The following RAC1 variants were observed in gnomAD, a reference collection of about 807,000 sequenced individuals.
RAC1 encodes ras-related C3 botulinum toxin substrate 1.
RAC1 carries 2 observed loss-of-function variants against 25.2 expected under a neutral mutation model. The ratio of observed to expected loss-of-function variants is 0.08; its 90% confidence interval spans 0.03 to 0.25. The LOEUF is 0.25. Among genes scored for constraint, RAC1 ranks in the 10% least tolerant of loss-of-function variants. RAC1 has a pLI of 1.00. For synonymous variants in RAC1, 88 were observed against 94.0 expected (o/e 0.94, Z 0.37); for missense variants, 50 against 235.7 (o/e 0.21, Z 5.16).
intron 3 of RAC1, chr7:6,399,696 C>G (rs966869373): frequency 6.2e-6 from 1 of 160,354 alleles, no homozygotes; most frequent in Non-Finnish European, 1.4e-5. Flanking sequence ...GTGCTGGGAG[C>G]TGTGACAGGC....
chr7:6,391,504 C>T, intron 2 of RAC1: 1 of 196,332 alleles, frequency 5.1e-6, no homozygotes, highest in South Asian at 9.9e-5. Flanking sequence ...TCTGGAAACC[C>T]TGCAGAGGGT....
Position 6,383,957 on chromosome 7 carries a change from C to T in RAC1, c.36-3255C>T, listed in dbSNP as rs899727463. ...AGCTGGGATTACAGGCATGCACGCCCGGCTAATTTTGTATTTTTAGTAGAG... is the reference window on the plus strand; with the variant it reads ...AGCTGGGATTACAGGCATGCACGCCTGGCTAATTTTGTATTTTTAGTAGAG... On this transcript the variant is annotated intron_variant, in intron 1 of 5. Transcript: ENST00000348035. Among the ~76,000 whole-genome samples the T allele has an allele frequency of 8.6e-5, 13 of 151,396 alleles. No homozygotes were observed. The East Asian group carries it at 2.3e-3, about 27-fold the overall frequency.
chr7:6,379,906 G>A (rs138768570), intron 1 of RAC1, among the ~76,000 whole-genome samples: 38 of 152,174 alleles, frequency 2.5e-4, no homozygotes, highest in Middle Eastern at 3.4e-3. Flanking sequence ...GAGCCACTGC[G>A]CCCGGCCACA....
intron 3 of RAC1, among the ~76,000 whole-genome samples, chr7:6,396,564 C>G (rs569680469): frequency 6.6e-6 from 1 of 152,132 alleles, no homozygotes; most frequent in Non-Finnish European, 1.5e-5. Context: ...GCCACAGATA[C>G]GATCAGAGGC....
At chr7:6,376,784 T>G (rs71539928) in intron 1 of RAC1, among the ~76,000 whole-genome samples, 4 of 122,986 alleles carry the variant, frequency 3.3e-5, no homozygotes, top group African/African-American at 5.3e-5. Context: ...GGCCTGTTTT[T>G]TTTTTTTTTT....
chr7:6,394,771 C>T (rs1424332415), intron 3 of RAC1, among the ~76,000 whole-genome samples: 1 of 152,158 alleles, frequency 6.6e-6, no homozygotes, highest in Non-Finnish European at 1.5e-5. Flanking sequence ...ACCTCCGCTT[C>T]CCAGGTTCAA....
rs1290168510 is a variant in RAC1, at chr7:6,403,842, C to T, written c.*1396C>T. On this transcript the variant is annotated 3_prime_UTR_variant, in exon 6 of 6. Coordinates refer to ENST00000348035, the MANE Select transcript of RAC1 (RefSeq NM_006908.5). ...GGCGAGAATACAGCGTGGGACCCTTCAGCCACTACAACAGAATTTTTTAAA... is the reference window on the plus strand; with the variant it reads ...GGCGAGAATACAGCGTGGGACCCTTTAGCCACTACAACAGAATTTTTTAAA... 4.5e-6 allele frequency: 1 copy of T among 222,154 alleles called. No homozygotes were observed. Among genetic ancestry groups the T allele is most frequent in the Non-Finnish European group, 9.0e-6 (1 of 110,930 alleles). The allele number at this position is 222,154 out of a possible 1,614,324, so 13.8% of individuals were successfully genotyped here. A position where few individuals can be genotyped will look rare whatever the true frequency, so the allele number is the denominator to read the frequency against.
At chr7:6,376,201 G>C in intron 1 of RAC1, among the ~76,000 whole-genome samples, 1 of 6,792 alleles carries the variant, frequency 1.5e-4, no homozygotes, top group South Asian at 3.2e-3. Flanking sequence ...TTTTTTTTTT[G>C]AGACGGAGTT....
chr7:6,378,546 T>TG (rs1782671053), intron 1 of RAC1, among the ~76,000 whole-genome samples: 1 of 151,530 alleles, frequency 6.6e-6, no homozygotes, highest in Non-Finnish European at 1.5e-5. Context: ...GGCTCTGTCT[T>TG]GAAAAAAAAA....
chr7:6,377,969 C>T (rs1782653744), intron 1 of RAC1, among the ~76,000 whole-genome samples: 1 of 152,096 alleles, frequency 6.6e-6, no homozygotes, highest in South Asian at 2.1e-4. Context: ...TTTGCCTGGA[C>T]CATGGCAGTG....
At chr7:6,389,108 A>G (rs938388140) in intron 2 of RAC1, among the ~76,000 whole-genome samples, 1 of 151,914 alleles carries the variant, frequency 6.6e-6, no homozygotes, top group African/African-American at 2.4e-5. Flanking sequence ...AGGCTGAGGC[A>G]TGAGAATTGC....
At chr7:6,401,137 G>C (rs1419481754) in intron 4 of RAC1, among the ~76,000 whole-genome samples, 1 of 152,074 alleles carries the variant, frequency 6.6e-6, no homozygotes, top group African/African-American at 2.4e-5. Context: ...TGTACTTTTA[G>C]TAGAGACGGG....
chr7:6,401,784 T>C (rs1419985900), intron 4 of RAC1, 84 bp from the exon 5 acceptor site: 1 of 1,467,794 alleles, frequency 6.8e-7, no homozygotes, highest in Admixed American at 2.0e-5. Context: ...GTGTCTGGCA[T>C]GAGTGCCGCC....
chr7:6,399,942 C>G (rs1335284569), intron 3 of RAC1, 184 bp from the exon 4 acceptor site: 1 of 598,888 alleles, frequency 1.7e-6, no homozygotes, highest in South Asian at 2.1e-5. Context: ...GGTGGCTTGA[C>G]ATGCTGGGTT....
chr7:6,375,459 C>A (rs1782556539), intron 1 of RAC1, among the ~76,000 whole-genome samples: 1 of 152,050 alleles, frequency 6.6e-6, no homozygotes, highest in Non-Finnish European at 1.5e-5. Flanking sequence ...TTCCTGCGCT[C>A]AAGTGATTCT....
At chr7:6,378,241 A>G (rs991888489) in intron 1 of RAC1, among the ~76,000 whole-genome samples, 2 of 151,858 alleles carry the variant, frequency 1.3e-5, no homozygotes, top group African/African-American at 2.4e-5. Context: ...GAGACTGATA[A>G]TACACCCGTA....
chr7:6,400,499 T>C (rs545063403), intron 4 of RAC1, among the ~76,000 whole-genome samples: 1 of 152,028 alleles, frequency 6.6e-6, no homozygotes, highest in African/African-American at 2.4e-5. Context: ...GTGGCTAATC[T>C]TAAAAGAATT....
At chr7:6,374,819 A>C in intron 1 of RAC1, 49 bp downstream of exon 1, 1 of 1,088,624 alleles carries the variant, frequency 9.2e-7, no homozygotes, top group African/African-American at 1.7e-5. Context: ...TCGGGCGCGG[A>C]GGGGGGTTGG....
intron 3 of RAC1, among the ~76,000 whole-genome samples, chr7:6,395,075 T>C (rs35723915): frequency 0.012 from 1,789 of 152,204 alleles, 32 homozygotes; most frequent in African/African-American, 0.039. Context: ...AGGATGGTCT[T>C]GATCTCCTGA....
Sources: allele counts gnomAD v4.1 joint callset (sites outside exome capture counted in the v4.1 genomes callset), GRCh38; gene constraint gnomAD v4.1.1; transcripts MANE v1.5; gene names NCBI Gene and HGNC (gene_info 2026-07-23, HGNC 2026-07-21).